The following TENM2 variants were observed in gnomAD, a reference collection of about 807,000 sequenced individuals.
TENM2 encodes teneurin transmembrane protein 2.
A neutral mutation model predicts 245.2 loss-of-function variants in TENM2; 52 were observed. The observed-to-expected ratio is 0.21, with a 90% CI of 0.17 to 0.27. The LOEUF is 0.27. Among genes scored for constraint, TENM2 ranks in the 10% least tolerant of loss-of-function variants. The probability of loss-of-function intolerance (pLI) is 1.00; values close to 1 mark genes in which losing one functional copy is unlikely to be tolerated. For missense variants in TENM2, 3,046 were observed against 3,666.8 expected, an observed-to-expected ratio of 0.83 and a Z score of 4.37; for synonymous variants, 1,363 against 1,438.9, an observed-to-expected ratio of 0.95 and a Z score of 1.19.
chr5:167,537,895 G>A (rs1252074507), intron 2 of TENM2, among the ~76,000 whole-genome samples: 1 of 152,204 alleles, frequency 6.6e-6, no homozygotes, highest in Non-Finnish European at 1.5e-5. Context: ...TACACTTCTT[G>A]TAGAAAAGTA....
intron 2 of TENM2, among the ~76,000 whole-genome samples, chr5:167,625,309 TAAG>T (rs1180983885): frequency 6.6e-6 from 1 of 152,192 alleles, no homozygotes; most frequent in Non-Finnish European, 1.5e-5. Flanking sequence ...TTGTAAAATA[TAAG>T]AAGACCATTC....
intron 2 of TENM2, among the ~76,000 whole-genome samples, chr5:167,744,184 G>A (rs1053260946): frequency 6.6e-6 from 1 of 152,124 alleles, no homozygotes; most frequent in Non-Finnish European, 1.5e-5. Context: ...AAGCATATTT[G>A]GAGATTCTGA....
the TENM2 span, among the ~76,000 whole-genome samples, chr5:167,276,349 ATTTTGT>A: frequency 1.6e-5 from 1 of 62,586 alleles, no homozygotes; most frequent in Admixed American, 1.5e-4. Flanking sequence ...GAGCCTGTTC[ATTTTGT>A]GTGTGTGTGT....
chr5:167,666,366 T>C (rs1755576328), intron 2 of TENM2, among the ~76,000 whole-genome samples: 1 of 152,226 alleles, frequency 6.6e-6, no homozygotes, highest in Admixed American at 6.5e-5. Flanking sequence ...TCATGTTTAC[T>C]GGCAAAATTG....
intron 2 of TENM2, among the ~76,000 whole-genome samples, chr5:167,537,616 A>C (rs1771934816): frequency 6.6e-6 from 1 of 152,240 alleles, no homozygotes; most frequent in African/African-American, 2.4e-5. Context: ...ACCTTCAACA[A>C]AAGTCATGGC....
chr5:168,003,332 CACACACACACACA>C (rs1784557582), intron 5 of TENM2, among the ~76,000 whole-genome samples: 2 of 140,378 alleles, frequency 1.4e-5, no homozygotes, highest in Non-Finnish European at 3.1e-5. Context: ...CACACACACA[CACACACACACACA>C]CCCCCAAAGC....
intron 3 of TENM2, among the ~76,000 whole-genome samples, chr5:167,883,208 C>T (rs1485520312): frequency 6.6e-6 from 1 of 152,114 alleles, no homozygotes. Context: ...CTCCCAAAGA[C>T]CCTCACCCTG....
At chr5:167,671,309 A>G (rs1392839172) in intron 2 of TENM2, among the ~76,000 whole-genome samples, 1 of 152,146 alleles carries the variant, frequency 6.6e-6, no homozygotes, top group Admixed American at 6.6e-5. Flanking sequence ...GAGTAAGCTC[A>G]TATTTATTTA....
At chr5:167,276,669 A>C in the TENM2 span, among the ~76,000 whole-genome samples, 1 of 152,070 alleles carries the variant, frequency 6.6e-6, no homozygotes, top group Non-Finnish European at 1.5e-5. Context: ...ATGAAATGGT[A>C]GATTTGCGTA....
At chr5:167,900,139 GGGGGGT>G (rs1561912487) in intron 3 of TENM2, among the ~76,000 whole-genome samples, 1 of 121,104 alleles carries the variant, frequency 8.3e-6, no homozygotes, top group Non-Finnish European at 1.6e-5. Context: ...AAAAAGGGGG[GGGGGGT>G]TTTGGAAAGG....
chr5:167,113,022 A>G, the TENM2 span, among the ~76,000 whole-genome samples: 2 of 152,128 alleles, frequency 1.3e-5, no homozygotes, highest in Non-Finnish European at 2.9e-5. Flanking sequence ...CTTAAAGGAG[A>G]TGTGTATATA....
chr5:168,014,753 A>G (rs1024137906), intron 5 of TENM2, among the ~76,000 whole-genome samples: 1 of 152,184 alleles, frequency 6.6e-6, no homozygotes, highest in Non-Finnish European at 1.5e-5. Context: ...CTGAAGGCAA[A>G]TGACTTGAAA....
chr5:167,185,275 C>T, the TENM2 span, among the ~76,000 whole-genome samples: 2 of 152,148 alleles, frequency 1.3e-5, no homozygotes, highest in Admixed American at 6.6e-5. Flanking sequence ...ATTTAACACA[C>T]CAGTTTCCCT....
chr5:167,754,913 G>A lies in TENM2; in HGVS notation c.503-121073G>A. 6.3e-6 allele frequency: 7 copies of A among 1,113,214 alleles called. No individual in the cohort carries two copies. The South Asian group carries it at 1.2e-4, about 20-fold the overall frequency. 69.0% of individuals were successfully genotyped at this position (1,113,214 alleles called of 1,614,324 possible). ...AGGGAAGGGAGCAGAAAGGGAGGAGGGAGAGAGCAGATATTGCCTATTATG... is the reference window on the plus strand; with the variant it reads ...AGGGAAGGGAGCAGAAAGGGAGGAGAGAGAGAGCAGATATTGCCTATTATG... On this transcript the variant is annotated intron_variant, in intron 2 of 28. Coordinates refer to ENST00000518659, the Ensembl canonical transcript of TENM2.
chr5:167,645,311 G>A (rs990538059), intron 2 of TENM2, among the ~76,000 whole-genome samples: 1 of 152,122 alleles, frequency 6.6e-6, no homozygotes, highest in Non-Finnish European at 1.5e-5. Context: ...GGTGAAGGAG[G>A]AATCAGTGCA....
At chr5:167,501,671 G>T (rs933298954) in intron 2 of TENM2, among the ~76,000 whole-genome samples, 3 of 152,064 alleles carry the variant, frequency 2.0e-5, no homozygotes, top group Non-Finnish European at 2.9e-5. Context: ...CTCTCTAGTT[G>T]CCCTGAATCA....
chr5:167,244,987 A>G, the TENM2 span, among the ~76,000 whole-genome samples: 1 of 152,030 alleles, frequency 6.6e-6, no homozygotes. Flanking sequence ...GCAAAGGAAC[A>G]CCTTATAATT....
At chr5:167,165,549 C>T in the TENM2 span, among the ~76,000 whole-genome samples, 5 of 152,016 alleles carry the variant, frequency 3.3e-5, no homozygotes, top group Non-Finnish European at 7.3e-5. Flanking sequence ...GTCTCTTCCA[C>T]AAGATCTAGA....
chr5:167,095,805 T>A, the TENM2 span, among the ~76,000 whole-genome samples: 1 of 151,032 alleles, frequency 6.6e-6, no homozygotes, highest in Non-Finnish European at 1.5e-5. Context: ...AGTTTCGCTC[T>A]TGTTGTCCAG....
Sources: gnomAD v4.1 joint callset for allele counts (sites outside exome capture counted in the v4.1 genomes callset) on GRCh38, gnomAD v4.1.1 for gene constraint, MANE v1.5 for transcripts, NCBI Gene and HGNC (gene_info 2026-07-23, HGNC 2026-07-21) for gene names.